Variants in POU6F2 observed in about 807,000 individuals in gnomAD.
POU6F2 encodes the protein POU domain, class 6, transcription factor 2.
In POU6F2, 31 loss-of-function variants were observed where a neutral mutation model predicts 71.3. That is an observed-to-expected ratio of 0.43 (90% CI 0.33 to 0.59). The LOEUF (loss-of-function observed/expected upper bound fraction) is 0.59. Among genes scored for constraint, POU6F2 ranks in the 20% least tolerant of loss-of-function variants. The probability of loss-of-function intolerance (pLI) is 0.04; values close to 1 mark genes in which losing one functional copy is unlikely to be tolerated. For missense variants in POU6F2, 783 were observed against 856.8 expected (o/e 0.91, Z 1.07); for synonymous variants, 347 against 355.7 (o/e 0.98, Z 0.27).
intron 2 of POU6F2, among the ~76,000 whole-genome samples, chr7:39,161,596 C>T (rs908103935): frequency 5.3e-5 from 8 of 152,138 alleles, no homozygotes; most frequent in African/African-American, 1.2e-4. Context: ...GACTTCGGAA[C>T]GGCCCATGTA....
chr7:38,982,539 A>G (rs1245778537), intron 1 of POU6F2, among the ~76,000 whole-genome samples: 1 of 152,082 alleles, frequency 6.6e-6, no homozygotes, highest in African/African-American at 2.4e-5. Context: ...AACATTTTAC[A>G]TTTCACCAGA....
chr7:39,441,262 G>A (rs1277708345), intron 7 of POU6F2, among the ~76,000 whole-genome samples: 3 of 150,296 alleles, frequency 2.0e-5, no homozygotes, highest in Non-Finnish European at 4.4e-5. Context: ...AACTCTGATA[G>A]CACTACAGAG....
At chr7:38,983,317 G>A (rs1442160867) in intron 1 of POU6F2, among the ~76,000 whole-genome samples, 4 of 151,524 alleles carry the variant, frequency 2.6e-5, no homozygotes, top group African/African-American at 4.8e-5. Flanking sequence ...CTCAAACCTG[G>A]ATTTATGTTC....
At chr7:39,223,834 C>CTCT (rs1794413606) in intron 4 of POU6F2, among the ~76,000 whole-genome samples, 1 of 152,144 alleles carries the variant, frequency 6.6e-6, no homozygotes, top group African/African-American at 2.4e-5. Context: ...TCTATTCTAA[C>CTCT]TCTTGTTTTA....
chr7:39,102,692 G>A (rs1371858668), intron 2 of POU6F2, among the ~76,000 whole-genome samples: 3 of 152,090 alleles, frequency 2.0e-5, no homozygotes, highest in Non-Finnish European at 4.4e-5. Flanking sequence ...ATACAGTGAT[G>A]TGTCACTTAA....
chr7:39,173,259 T>C (rs1236643900), intron 2 of POU6F2, among the ~76,000 whole-genome samples: 2 of 152,210 alleles, frequency 1.3e-5, no homozygotes, highest in Non-Finnish European at 2.9e-5. Flanking sequence ...TGCTACTACT[T>C]GGGATAGCAC....
intron 6 of POU6F2, among the ~76,000 whole-genome samples, chr7:39,411,401 T>C (rs1298576798): frequency 6.6e-6 from 1 of 152,212 alleles, no homozygotes; most frequent in Non-Finnish European, 1.5e-5. Flanking sequence ...ATACTGGTGC[T>C]AAAGAAAGCA....
intron 6 of POU6F2, among the ~76,000 whole-genome samples, chr7:39,413,810 C>CA (rs1787608885): frequency 6.6e-6 from 1 of 152,220 alleles, no homozygotes. Flanking sequence ...CAATAAACCT[C>CA]AATCTTTCTA....
chr7:39,214,979 A>T (rs2128747365), intron 4 of POU6F2, among the ~76,000 whole-genome samples: 1 of 152,350 alleles, frequency 6.6e-6, no homozygotes, highest in African/African-American at 2.4e-5. Context: ...ATAATTTTTC[A>T]TGGATATATG....
chr7:39,200,567 GAGTT>G (rs1368385613), intron 2 of POU6F2, among the ~76,000 whole-genome samples: 1 of 152,186 alleles, frequency 6.6e-6, no homozygotes, highest in East Asian at 1.9e-4. Context: ...GCCAAGGACA[GAGTT>G]AGAGTCAGCG....
chr7:39,112,156 G>T (rs1791826900), intron 2 of POU6F2, among the ~76,000 whole-genome samples: 1 of 152,088 alleles, frequency 6.6e-6, no homozygotes, highest in South Asian at 2.1e-4. Flanking sequence ...TAAACCCAAA[G>T]CAGTAGCCAG....
At chr7:39,368,598 A>T (rs1003428344) in intron 5 of POU6F2, among the ~76,000 whole-genome samples, 5 of 152,364 alleles carry the variant, frequency 3.3e-5, no homozygotes, top group African/African-American at 1.2e-4. Context: ...ACAGCTTTCT[A>T]TTGGAAGAAG....
chr7:39,182,405 A>G (rs959186108), intron 2 of POU6F2, among the ~76,000 whole-genome samples: 4 of 152,194 alleles, frequency 2.6e-5, no homozygotes, highest in Non-Finnish European at 4.4e-5. Context: ...CTTCCTATGC[A>G]TCTCAGCCCT....
intron 2 of POU6F2, among the ~76,000 whole-genome samples, chr7:39,106,728 G>A (rs62442210): frequency 6.6e-6 from 1 of 151,918 alleles, no homozygotes; most frequent in African/African-American, 2.4e-5. Context: ...TAAATCAGTA[G>A]GTGTTCACAT....
intron 2 of POU6F2, among the ~76,000 whole-genome samples, chr7:39,197,770 C>A (rs115173404): frequency 6.6e-6 from 1 of 152,158 alleles, no homozygotes; most frequent in South Asian, 2.1e-4. Context: ...GACTTCGTTC[C>A]GCTGATTCTG....
chr7:39,406,368 C>T, intron 5 of POU6F2: 1 of 541,408 alleles, frequency 1.8e-6, no homozygotes, highest in Non-Finnish European at 3.3e-6. Flanking sequence ...CCTGGGCTAG[C>T]CCTAAACCCA....
chr7:39,033,263 A>T (rs1382105466), intron 1 of POU6F2, among the ~76,000 whole-genome samples: 1 of 152,232 alleles, frequency 6.6e-6, no homozygotes, highest in Non-Finnish European at 1.5e-5. Context: ...ATAGTTAGGA[A>T]CATATATGTG....
At chr7:39,198,439 C>T (rs2128744522) in intron 2 of POU6F2, among the ~76,000 whole-genome samples, 1 of 152,308 alleles carries the variant, frequency 6.6e-6, no homozygotes, top group Middle Eastern at 3.4e-3. Flanking sequence ...CACTTAGGAC[C>T]TAGACCCCTC....
At position 39,242,617 on chromosome 7, in the gene POU6F2, T is replaced by C. The variant is rs76880866; in HGVS notation, c.598+34997T>C. On this transcript the variant is annotated intron_variant, in intron 4 of 9. Transcript: ENST00000518318. ...GTGGGCTGGAATTAGGGTCTTGTTA[T>C]GAAAATCAGATAGGAAGCTAATGCA... 7.8e-3 allele frequency among the ~76,000 whole-genome samples: 1,181 copies of C among 152,162 alleles called. 5 individuals are homozygous for C. The highest frequency in any genetic ancestry group is 0.021 in the South Asian group (100 of 4,814).
Sources: gnomAD v4.1 joint callset for allele counts (sites outside exome capture counted in the v4.1 genomes callset) on GRCh38, gnomAD v4.1.1 for gene constraint, MANE v1.5 for transcripts, NCBI Gene and HGNC (gene_info 2026-07-23, HGNC 2026-07-21) for gene names.